Variants in CBFB observed in about 807,000 individuals in gnomAD.
CBFB encodes the protein CBF-beta.
A neutral mutation model predicts 30.4 loss-of-function variants in CBFB; 9 were observed. That is an observed-to-expected ratio of 0.30 (90% CI 0.18 to 0.52). The LOEUF (loss-of-function observed/expected upper bound fraction) is 0.52. Among genes scored for constraint, CBFB ranks in the 20% least tolerant of loss-of-function variants. The pLI is 0.97. For synonymous variants in CBFB, 94 were observed against 84.0 expected (o/e 1.12, Z -0.65); for missense variants, 170 against 244.0 (o/e 0.70, Z 2.02).
intron 3 of CBFB, among the ~76,000 whole-genome samples, chr16:67,062,032 CA>C (rs1251371557): frequency 1.3e-5 from 2 of 151,942 alleles, no homozygotes; most frequent in Admixed American, 6.6e-5. Context: ...AACTCCATCT[CA>C]AAAAACAAAG....
At chr16:67,064,531 A>G (rs1161657969) in intron 3 of CBFB, among the ~76,000 whole-genome samples, 2 of 152,136 alleles carry the variant, frequency 1.3e-5, no homozygotes, top group African/African-American at 2.4e-5. Context: ...AAAAGTAACT[A>G]TTAGGTTAGT....
At chr16:67,048,178 G>A (rs1239250615) in intron 3 of CBFB, among the ~76,000 whole-genome samples, 1 of 152,118 alleles carries the variant, frequency 6.6e-6, no homozygotes, top group Non-Finnish European at 1.5e-5. Flanking sequence ...GGAGGCAAAG[G>A]TTGCAGTGAG....
intron 3 of CBFB, among the ~76,000 whole-genome samples, chr16:67,053,166 TGTTTA>T (rs1960608609): frequency 6.6e-6 from 1 of 152,040 alleles, no homozygotes; most frequent in Non-Finnish European, 1.5e-5. Flanking sequence ...AATAACGCAT[TGTTTA>T]GTTTTTAAAA....
At chr16:67,048,232 G>A (rs1966666264) in intron 3 of CBFB, among the ~76,000 whole-genome samples, 1 of 151,732 alleles carries the variant, frequency 6.6e-6, no homozygotes, top group South Asian at 2.1e-4. Flanking sequence ...ACAGAGCAAG[G>A]CTCCATCTCC....
At chr16:67,068,913 A>T (rs1961137808) in intron 4 of CBFB, among the ~76,000 whole-genome samples, 1 of 152,140 alleles carries the variant, frequency 6.6e-6, no homozygotes, top group African/African-American at 2.4e-5. Context: ...AAAGAATCAA[A>T]TAGAAATTCT....
chr16:67,099,704 A>G lies in CBFB; in HGVS notation c.*926A>G, dbSNP rs978241325. The G allele has an allele frequency of 1.5e-5, 3 of 204,754 alleles. No homozygotes were observed. Among genetic ancestry groups the G allele is most frequent in the Non-Finnish European group, 3.0e-5 (3 of 99,898 alleles). The allele number at this position is 204,754 out of a possible 1,614,324, so 12.7% of individuals were successfully genotyped here. A position where few individuals can be genotyped will look rare whatever the true frequency, so the allele number is the denominator to read the frequency against. On this transcript the variant is annotated 3_prime_UTR_variant, in exon 6 of 6. Transcript: ENST00000412916. ...AGGCTGGCTTCTGTTTTATTCAGGG[A>G]TTTTTTTAAAAAGTCAATCAGAAAA...
intron 3 of CBFB, among the ~76,000 whole-genome samples, chr16:67,064,558 G>A (rs1457936200): frequency 2.6e-5 from 4 of 152,110 alleles, no homozygotes; most frequent in African/African-American, 9.7e-5. Flanking sequence ...TTAGGAGTGG[G>A]AAGATTGTAG....
intron 3 of CBFB, among the ~76,000 whole-genome samples, chr16:67,043,692 T>A (rs1966572809): frequency 6.6e-6 from 1 of 152,238 alleles, no homozygotes. Flanking sequence ...ATGTCTGCCC[T>A]ATTCATGTGC....
At chr16:67,047,289 A>G (rs1459764840) in intron 3 of CBFB, among the ~76,000 whole-genome samples, 1 of 152,228 alleles carries the variant, frequency 6.6e-6, no homozygotes, top group East Asian at 1.9e-4. Context: ...ATTTAAAAAA[A>G]TAAAACGTGC....
intron 2 of CBFB, among the ~76,000 whole-genome samples, chr16:67,035,750 T>C (rs1358836960): frequency 3.3e-5 from 5 of 152,216 alleles, no homozygotes; most frequent in African/African-American, 9.6e-5. Flanking sequence ...CAAAAAACTT[T>C]TTCTGGTTTC....
chr16:67,068,150 A>T (rs748187932), intron 4 of CBFB, among the ~76,000 whole-genome samples: 22 of 152,314 alleles, frequency 1.4e-4, no homozygotes, highest in Non-Finnish European at 3.1e-4. Context: ...CGGCTGAACT[A>T]TGCTGATCCA....
chr16:67,094,117 C>CTTT (rs757109594), intron 5 of CBFB, among the ~76,000 whole-genome samples: 4 of 130,588 alleles, frequency 3.1e-5, no homozygotes, highest in Non-Finnish European at 3.2e-5. Context: ...CTTCCTCCCT[C>CTTT]TTTTTTTTTT....
intron 3 of CBFB, among the ~76,000 whole-genome samples, chr16:67,054,928 G>GTT (rs1229164444): frequency 2.9e-5 from 4 of 138,142 alleles, no homozygotes; most frequent in Non-Finnish European, 4.6e-5. Context: ...CTAATTTTTT[G>GTT]TATTTTTTTT....
chr16:67,036,813 T>A, intron 3 of CBFB, 58 bp downstream of exon 3: 1 of 944,542 alleles, frequency 1.1e-6, no homozygotes, highest in African/African-American at 1.6e-5. Context: ...AGAGATTATC[T>A]GGTAATTTAC....
At chr16:67,051,913 A>G (rs2145731877) in intron 3 of CBFB, among the ~76,000 whole-genome samples, 1 of 61,026 alleles carries the variant, frequency 1.6e-5, no homozygotes, top group East Asian at 2.9e-4. Flanking sequence ...ATATGTGTAT[A>G]CACACACACA....
At chr16:67,078,846 G>A (rs1961477823) in intron 4 of CBFB, among the ~76,000 whole-genome samples, 1 of 152,048 alleles carries the variant, frequency 6.6e-6, no homozygotes, top group South Asian at 2.1e-4. Flanking sequence ...AGTAGAGACG[G>A]GGTTTCACCA....
intron 2 of CBFB, chr16:67,036,279 A>C: frequency 5.9e-6 from 1 of 169,320 alleles, no homozygotes; most frequent in Non-Finnish European, 1.3e-5. Context: ...CAAAATCTTT[A>C]GATTTTGAGT....
At chr16:67,043,120 T>TC (rs1182148941) in intron 3 of CBFB, among the ~76,000 whole-genome samples, 2 of 152,174 alleles carry the variant, frequency 1.3e-5, no homozygotes, top group Non-Finnish European at 2.9e-5. Flanking sequence ...CTTAGCCTGT[T>TC]CATTAGAAGC....
intron 4 of CBFB, among the ~76,000 whole-genome samples, chr16:67,071,068 TA>T (rs990897586): frequency 5.9e-5 from 9 of 151,844 alleles, no homozygotes; most frequent in African/African-American, 1.2e-4. Context: ...CAGTGTATAG[TA>T]AAAAAAATTC....
Sources: gnomAD v4.1 joint callset for allele counts (sites outside exome capture counted in the v4.1 genomes callset) on GRCh38, gnomAD v4.1.1 for gene constraint, MANE v1.5 for transcripts, NCBI Gene and HGNC (gene_info 2026-07-23, HGNC 2026-07-21) for gene names.